Variants in KCNQ3 observed in about 807,000 individuals in gnomAD.
KCNQ3 encodes potassium voltage-gated channel subfamily KQT member 3.
KCNQ3 carries 30 observed loss-of-function variants against 92.5 expected under a neutral mutation model. The observed-to-expected ratio is 0.32, with a 90% CI of 0.24 to 0.44. The LOEUF (loss-of-function observed/expected upper bound fraction) is 0.44. KCNQ3 is among the 20% of genes least tolerant of loss of function. The pLI is 1.00. For synonymous variants in KCNQ3, 450 were observed against 468.8 expected (o/e 0.96, Z 0.52); for missense variants, 913 against 1,140.3 (o/e 0.80, Z 2.87).
chr8:132,392,812 A>AAAAAAAAAC (rs1820085250), intron 1 of KCNQ3, among the ~76,000 whole-genome samples: 1 of 150,372 alleles, frequency 6.7e-6, no homozygotes, highest in African/African-American at 2.4e-5. Context: ...AAAAAAAAAA[A>AAAAAAAAAC]AAGACGACAA....
chr8:132,414,182 C>A (rs751246753), intron 1 of KCNQ3, among the ~76,000 whole-genome samples: 1 of 152,190 alleles, frequency 6.6e-6, no homozygotes, highest in African/African-American at 2.4e-5. Context: ...CTCGAGGTTT[C>A]ATCATCCCCA....
chr8:132,180,835 TA>T (rs11404512), intron 3 of KCNQ3, among the ~76,000 whole-genome samples: 22 of 143,560 alleles, frequency 1.5e-4, no homozygotes, highest in South Asian at 4.5e-4. Context: ...GAGAGAATGT[TA>T]AAAAAAAAAA....
intron 1 of KCNQ3, among the ~76,000 whole-genome samples, chr8:132,339,900 G>A (rs1818471319): frequency 6.6e-6 from 1 of 151,192 alleles, no homozygotes; most frequent in South Asian, 2.1e-4. Context: ...AGGACATCCA[G>A]CAACACAAAG....
chr8:132,129,056 C>G lies in KCNQ3; in HGVS notation c.*206G>C, dbSNP rs1401381738. On this transcript the variant is annotated 3_prime_UTR_variant, in exon 15 of 15. Coordinates refer to ENST00000388996, the MANE Select transcript of KCNQ3 (RefSeq NM_004519.4). The surrounding 1 kb of genome is among the most constrained non-coding windows in gnomAD (Gnocchi z 5.9). ...ACCATTTATATAGTGTAAAGTCATG[C>G]AAACCATGCTGAAAAGGAAGCACTT... The G allele has an allele frequency of 1.6e-6, 1 of 608,682 alleles. No homozygotes were observed. Among genetic ancestry groups the G allele is most frequent in the African/African-American group, 1.9e-5 (1 of 54,050 alleles). The allele number at this position is 608,682 out of a possible 1,614,324, so 37.7% of individuals were successfully genotyped here.
At chr8:132,364,694 C>CGGATGGATGGATGGAT (rs10691178) in intron 1 of KCNQ3, among the ~76,000 whole-genome samples, 142 of 138,022 alleles carry the variant, frequency 1.0e-3, no homozygotes, top group Middle Eastern at 3.6e-3. Context: ...GACGGACGGA[C>CGGATGGATGGATGGAT]GGATGGATGG....
rs756271345 is a variant in KCNQ3 at position 132,129,602 on chromosome 8, C to T, written c.2279G>A (p.Cys760Tyr). Residue 760 changes from cysteine to tyrosine, a missense_variant, in exon 15 of 15, where the codon TGC (cysteine) becomes TAC (tyrosine). Cys to Tyr is a radical substitution (Grantham distance 194). Around this residue, in one of 6 missense-constraint regions of KCNQ3, gnomAD observed 375 missense variants for 376.4 expected, o/e 1.00. Transcript: ENST00000388996. The surrounding 1 kb of genome is among the most constrained non-coding windows in gnomAD (Gnocchi z 5.9). ...ILTLLDSRVS[C>Y]HSQADLQGPY... The stretch of plus-strand genomic sequence containing the variant: ...GCCCTGCAGGTCAGCCTGGGAGTGG[C>T]AGCTCACTCGGGAGTCGAGAAGAGT... The T allele has an allele frequency of 1.2e-6, 2 of 1,614,170 alleles. No individual in the cohort carries two copies. Among genetic ancestry groups the T allele is most frequent in the South Asian group, 2.2e-5 (2 of 91,076 alleles).
chr8:132,378,300 G>A (rs1165562043), intron 1 of KCNQ3, among the ~76,000 whole-genome samples: 4 of 152,106 alleles, frequency 2.6e-5, no homozygotes, highest in East Asian at 1.9e-4. Flanking sequence ...GCTGATGCAC[G>A]AGAAACACTT....
In KCNQ3 at chr8:132,129,499, C is replaced by T. The variant is rs767575527; in HGVS notation, c.2382G>A (p.Ser794=). ...ACCTCTCCAGCTCCTCGTGGTTGAC[C>T]GACATCAGGGACAGAGGTGTGTCAC... ...RDSDTPLSLM[S]VNHEELERSP... is the part of the protein sequence containing the mutation. The change falls in exon 15 of 15, where the codon TCG becomes TCA. Residue 794 remains serine (S), a synonymous_variant. Coordinates refer to ENST00000388996, the MANE Select transcript of KCNQ3 (RefSeq NM_004519.4). This position sits in a 1 kb window ranked among gnomAD's most constrained non-coding sequence, Gnocchi z 5.9. The T allele has an allele frequency of 1.5e-5, 25 of 1,614,034 alleles. No individual in the cohort carries two copies. Among genetic ancestry groups the T allele is most frequent in the Non-Finnish European group, 1.9e-5 (22 of 1,180,054 alleles).
At position 132,432,930 on chromosome 8, in the gene KCNQ3, G is replaced by A. The variant is rs189532020; in HGVS notation, c.386+47217C>T. 2.3e-4 allele frequency among the ~76,000 whole-genome samples: 35 copies of A among 152,290 alleles called. No homozygotes were observed. In the East Asian group the frequency reaches 6.6e-3, roughly 29 times the overall value. ...TAAGAATAATTTGCCACCACTTGAA[G>A]AGAACACACAAACAGACACGGCAAC... On this transcript the variant is annotated intron_variant, in intron 1 of 14. Coordinates refer to ENST00000388996, the MANE Select transcript of KCNQ3 (RefSeq NM_004519.4).
chr8:132,414,483 C>T (rs952655485), intron 1 of KCNQ3, among the ~76,000 whole-genome samples: 3 of 152,240 alleles, frequency 2.0e-5, no homozygotes, highest in Admixed American at 6.5e-5. Context: ...AGCAGCTATT[C>T]TACCAGAGAA....
Position 132,124,992 on chromosome 8 carries a change from C to A in KCNQ3, c.*4270G>T, listed in dbSNP as rs1374559863. ...CAGGTTCCCATAAGTAGAGTAACATCTTTCTCTTGAAATAGGTGCTGTGTC... is the reference window on the plus strand; with the variant it reads ...CAGGTTCCCATAAGTAGAGTAACATATTTCTCTTGAAATAGGTGCTGTGTC... On this transcript the variant is annotated 3_prime_UTR_variant, in exon 15 of 15. Coordinates refer to ENST00000388996, the MANE Select transcript of KCNQ3 (RefSeq NM_004519.4). 6.6e-6 allele frequency: 1 copy of A among 152,220 alleles called. No homozygotes were observed. Among genetic ancestry groups the A allele is most frequent in the African/African-American group, 2.4e-5 (1 of 41,464 alleles). 9.4% of individuals were successfully genotyped at this position (152,220 alleles called of 1,614,324 possible).
Position 132,162,239 on chromosome 8 carries a change from A to G in KCNQ3, c.1262+1229T>C, listed in dbSNP as rs529575259. 8.5e-5 allele frequency among the ~76,000 whole-genome samples: 13 copies of G among 152,358 alleles called. No homozygotes were observed. In the South Asian group the frequency reaches 2.7e-3, roughly 32 times the overall value. On this transcript the variant is annotated intron_variant, in intron 9 of 14. Coordinates refer to ENST00000388996, the MANE Select transcript of KCNQ3 (RefSeq NM_004519.4). ...AGGGCACAGTGATATTTGAATGCAG[A>G]TTTCAATGAATTTTCTTCATGTCTG... is the stretch of plus-strand genomic sequence containing the variant.
chr8:132,255,068 T>C (rs1815538881), intron 1 of KCNQ3, among the ~76,000 whole-genome samples: 1 of 152,106 alleles, frequency 6.6e-6, no homozygotes, highest in Admixed American at 6.5e-5. Flanking sequence ...ACAATGAGCT[T>C]TGTTGCATTT....
intron 1 of KCNQ3, among the ~76,000 whole-genome samples, chr8:132,285,712 A>G (rs530850579): frequency 5.3e-5 from 8 of 152,186 alleles, no homozygotes; most frequent in Non-Finnish European, 1.0e-4. Context: ...GGAGCTAGGT[A>G]ATACTCATCA....
chr8:132,385,050 A>T (rs2608212), intron 1 of KCNQ3, among the ~76,000 whole-genome samples: 83,835 of 152,028 alleles, frequency 0.55, 25,900 homozygotes, highest in African/African-American at 0.85. Flanking sequence ...CTCTTAGAGG[A>T]CTATGTTGGC....
chr8:132,344,779 A>T (rs1325564829), intron 1 of KCNQ3, among the ~76,000 whole-genome samples: 1 of 152,210 alleles, frequency 6.6e-6, no homozygotes, highest in Non-Finnish European at 1.5e-5. Context: ...GCCAGTGCAG[A>T]AGGAGTAATG....
At chr8:132,386,665 T>C (rs564509340) in intron 1 of KCNQ3, among the ~76,000 whole-genome samples, 2 of 152,268 alleles carry the variant, frequency 1.3e-5, no homozygotes, top group Non-Finnish European at 2.9e-5. Flanking sequence ...GCTATTGATA[T>C]AAAAAATTGG....
intron 1 of KCNQ3, among the ~76,000 whole-genome samples, chr8:132,231,008 G>A (rs1814628817): frequency 6.6e-6 from 1 of 152,150 alleles, no homozygotes; most frequent in African/African-American, 2.4e-5. Flanking sequence ...TTATAAAAAG[G>A]GAACATTTGG....
chr8:132,351,040 C>T (rs1028459565), intron 1 of KCNQ3, among the ~76,000 whole-genome samples: 16 of 152,218 alleles, frequency 1.1e-4, no homozygotes, highest in Admixed American at 9.8e-4. Flanking sequence ...CCTCACCACC[C>T]CTTCCCTTCC....
Sources: allele counts gnomAD v4.1 joint callset (sites outside exome capture counted in the v4.1 genomes callset), GRCh38; gene constraint gnomAD v4.1.1; regional missense constraint gnomAD v4.1.1; non-coding constraint Gnocchi (gnomAD v3.1); transcripts MANE v1.5; gene names NCBI Gene and HGNC (gene_info 2026-07-23, HGNC 2026-07-21).